OVCH1: variants seen among roughly 807,000 people sequenced by gnomAD.
OVCH1 encodes the protein ovochymase-1.
A neutral mutation model predicts 138.4 loss-of-function variants in OVCH1; 139 were observed. That is an observed-to-expected ratio of 1.00 (90% CI 0.87 to 1.16). The LOEUF is 1.16. OVCH1 is among the 50% of genes most tolerant of loss of function. OVCH1 has a pLI of 0.00. For synonymous variants in OVCH1, 453 were observed against 467.8 expected, an observed-to-expected ratio of 0.97 and a Z score of 0.41; for missense variants, 1,367 against 1,357.9, an observed-to-expected ratio of 1.01 and a Z score of -0.11.
Position 29,477,339 on chromosome 12 carries a change from A to G in OVCH1, c.1246+2T>C. The G allele has an allele frequency of 6.2e-7, 1 of 1,613,916 alleles. No individual in the cohort carries two copies. Among genetic ancestry groups the G allele is most frequent in the East Asian group, 2.2e-5 (1 of 44,878 alleles). ...AAGGAATTAAATACCTGAAACACTC[A>G]CCTGCTTCTGACTTCTGTACAGCAG... On this transcript the variant is annotated splice_donor_variant, in intron 11 of 27. Transcript: ENST00000318184. LOFTEE classifies it high-confidence loss of function.
chr12:29,410,209 G>T (rs36150645), downstream of OVCH1, among the ~76,000 whole-genome samples: 2 of 132,254 alleles, frequency 1.5e-5, no homozygotes, highest in Non-Finnish European at 3.5e-5. Context: ...GTGTCTCTGC[G>T]TGTGAGATGG....
chr12:29,476,966 A>G (rs1231893878), intron 12 of OVCH1, 136 bp downstream of exon 12: 2 of 1,076,918 alleles, frequency 1.9e-6, no homozygotes, highest in East Asian at 2.7e-5. Context: ...ATTTCTTTTC[A>G]GAGTAAAAAA....
At chr12:29,493,100 G>C (rs1225489330) in intron 4 of OVCH1, among the ~76,000 whole-genome samples, 1 of 152,148 alleles carries the variant, frequency 6.6e-6, no homozygotes. Context: ...AATACACCCA[G>C]CTATGAGAAT....
the OVCH1 span, among the ~76,000 whole-genome samples, chr12:29,407,409 A>T: frequency 2.0e-5 from 3 of 149,914 alleles, no homozygotes; most frequent in African/African-American, 7.3e-5. Flanking sequence ...GGTATTGCCT[A>T]GGTTTTCTTC....
intron 25 of OVCH1, among the ~76,000 whole-genome samples, chr12:29,441,669 T>C (rs1199448567): frequency 3.2e-4 from 49 of 151,984 alleles, no homozygotes; most frequent in Admixed American, 3.2e-3. Flanking sequence ...GAAACTAACA[T>C]CAGATTGAAC....
intron 22 of OVCH1, 72 bp downstream of exon 22, chr12:29,451,273 T>C: frequency 8.1e-7 from 1 of 1,230,200 alleles, no homozygotes; most frequent in Non-Finnish European, 1.2e-6. Context: ...CAAGTCAGAC[T>C]CATTCCTGAT....
At chr12:29,439,373 C>T in exon 26 of OVCH1, 1 of 1,574,430 alleles carries the variant, frequency 6.4e-7, no homozygotes. Context: ...TAATAAAATT[C>T]AGTTTTTCTC....
At chr12:29,463,182 GA>G (rs976942595) in intron 18 of OVCH1, among the ~76,000 whole-genome samples, 2 of 152,202 alleles carry the variant, frequency 1.3e-5, no homozygotes, top group Non-Finnish European at 2.9e-5. Context: ...TAGTGGGTTA[GA>G]TGTAGAAGAT....
At chr12:29,443,746 T>C (rs1003201931) in intron 24 of OVCH1, among the ~76,000 whole-genome samples, 5 of 152,114 alleles carry the variant, frequency 3.3e-5, no homozygotes, top group African/African-American at 7.2e-5. Flanking sequence ...ATTGTGTGTA[T>C]TGTTTTAAAT....
chr12:29,494,930 T>C (rs1174985910), intron 4 of OVCH1, among the ~76,000 whole-genome samples: 1 of 152,140 alleles, frequency 6.6e-6, no homozygotes, highest in Non-Finnish European at 1.5e-5. Context: ...TCCTAGCATA[T>C]ACAAAAAGAT....
chr12:29,453,721 C>T (rs1284746889), intron 21 of OVCH1, among the ~76,000 whole-genome samples: 1 of 152,090 alleles, frequency 6.6e-6, no homozygotes, highest in African/African-American at 2.4e-5. Flanking sequence ...TTCACATACA[C>T]TCTGAATTCC....
At chr12:29,427,475 A>G (rs1941198386), downstream of OVCH1, 9 of 1,505,244 alleles carry the variant, frequency 6.0e-6, no homozygotes, top group South Asian at 3.8e-5. Flanking sequence ...CAGGTAAGGT[A>G]GCATTTGAAT....
chr12:29,423,194 A>G (rs1941128850), downstream of OVCH1: 4 of 454,762 alleles, frequency 8.8e-6, no homozygotes, highest in South Asian at 4.7e-5. Context: ...CTTCTAAAAT[A>G]AGCTTAAAAC....
exon 26 of OVCH1, chr12:29,439,369 A>T: frequency 6.3e-7 from 1 of 1,579,594 alleles, no homozygotes; most frequent in Non-Finnish European, 8.6e-7. Flanking sequence ...GTGTTAATAA[A>T]ATTCAGTTTT....
At chr12:29,408,100 T>C (rs1940906659), downstream of OVCH1, among the ~76,000 whole-genome samples, 1 of 135,536 alleles carries the variant, frequency 7.4e-6, no homozygotes, top group Non-Finnish European at 1.7e-5. Context: ...ATGATTTGGC[T>C]CTCTGTTTGT....
At chr12:29,443,576 A>G (rs1402766164) in intron 24 of OVCH1, 76 bp from the exon 25 acceptor site, 1 of 1,378,410 alleles carries the variant, frequency 7.3e-7, no homozygotes, top group Admixed American at 2.3e-5. Flanking sequence ...TCAGAAATTA[A>G]TGCATCAATG....
At chr12:29,408,789 C>T (rs1385014004), downstream of OVCH1, among the ~76,000 whole-genome samples, 7 of 150,428 alleles carry the variant, frequency 4.7e-5, no homozygotes, top group Non-Finnish European at 8.9e-5. Context: ...TGTGTCTCTG[C>T]CAGGCTTTGG....
At chr12:29,485,317 TAAAAA>T (rs869216306) in intron 8 of OVCH1, among the ~76,000 whole-genome samples, 22 of 89,836 alleles carry the variant, frequency 2.4e-4, no homozygotes, top group Non-Finnish European at 1.1e-4. Flanking sequence ...ACCCAGTCTT[TAAAAA>T]AAAAAAAAAA....
At chr12:29,473,059 G>A in exon 15 of OVCH1, 1 of 1,611,198 alleles carries the variant, frequency 6.2e-7, no homozygotes, top group Non-Finnish European at 8.5e-7. Context: ...GTAGATACAG[G>A]ATTGTTTTGG....
Sources: allele counts gnomAD v4.1 joint callset (sites outside exome capture counted in the v4.1 genomes callset), GRCh38; gene constraint gnomAD v4.1.1; transcripts MANE v1.5; gene names NCBI Gene and HGNC (gene_info 2026-07-23, HGNC 2026-07-21).